Variants in WIPF2 observed in about 807,000 individuals in gnomAD.
WIPF2 encodes the protein WAS/WASL-interacting protein family member 2.
In WIPF2, 23 loss-of-function variants were observed where a neutral mutation model predicts 38.8. The observed-to-expected ratio is 0.59, with a 90% CI of 0.43 to 0.84. WIPF2 has a LOEUF of 0.84. Ranked by LOEUF, WIPF2 falls within the 40% of genes least tolerant of loss-of-function variation. WIPF2 has a pLI of 0.00. For synonymous variants in WIPF2, 210 were observed against 223.2 expected, an observed-to-expected ratio of 0.94 and a Z score of 0.53; for missense variants, 574 against 580.5, an observed-to-expected ratio of 0.99 and a Z score of 0.11.
At chr17:40,275,054 A>G (rs2032355655) in intron 6 of WIPF2, among the ~76,000 whole-genome samples, 1 of 151,960 alleles carries the variant, frequency 6.6e-6, no homozygotes, top group Non-Finnish European at 1.5e-5. Context: ...AGCCTGGCTA[A>G]CATAGTGAAA....
chr17:40,270,718 A>T (rs1340123698), intron 5 of WIPF2, among the ~76,000 whole-genome samples: 1 of 152,194 alleles, frequency 6.6e-6, no homozygotes, highest in Non-Finnish European at 1.5e-5. Context: ...TTGGAATCAA[A>T]ACAAGGCTCA....
chr17:40,228,599 G>GGGATGCAGT (rs1338743589), intron 1 of WIPF2, among the ~76,000 whole-genome samples: 1 of 151,200 alleles, frequency 6.6e-6, no homozygotes, highest in Non-Finnish European at 1.5e-5. Context: ...GGGGATGCAG[G>GGGATGCAGT]GGATGCAGAT....
At chr17:40,222,507 T>TCAACAA (rs774875261) in intron 1 of WIPF2, among the ~76,000 whole-genome samples, 1 of 149,380 alleles carries the variant, frequency 6.7e-6, no homozygotes, top group African/African-American at 2.5e-5. Context: ...AAACTCCACC[T>TCAACAA]CAACAACAAC....
rs576787380 is a variant in WIPF2 at position 40,235,400 on chromosome 17, T to C, written c.-70+15908T>C. ...TTGTGTAGTTTTTCCCTAGACATAG[T>C]AATTGTCATTCTTTTCCTTCCTTCC... On this transcript the variant is annotated intron_variant, in intron 1 of 7. Transcript: ENST00000323571. Among the ~76,000 whole-genome samples the C allele has an allele frequency of 3.3e-5, 5 of 152,248 alleles. No individual in the cohort carries two copies. The East Asian group carries it at 9.7e-4, about 29-fold the overall frequency.
intron 1 of WIPF2, among the ~76,000 whole-genome samples, chr17:40,245,583 T>A (rs1049521585): frequency 6.6e-6 from 1 of 152,052 alleles, no homozygotes; most frequent in Admixed American, 6.6e-5. Context: ...CCTCAAGTGA[T>A]CTACCCGCCT....
At position 40,278,460 on chromosome 17, in the gene WIPF2, C is replaced by G. The variant is rs2032475641; in HGVS notation, c.*235C>G. ...CTCAAACCCTGCATCCATCCTTCCT[C>G]CAGCAAGCCCTGCTAGCCACATGAG... On this transcript the variant is annotated 3_prime_UTR_variant, in exon 8 of 8. Coordinates refer to ENST00000323571, the MANE Select transcript of WIPF2 (RefSeq NM_133264.5). 1.9e-6 allele frequency: 1 copy of G among 532,916 alleles called. No individual in the cohort carries two copies. Among genetic ancestry groups the G allele is most frequent in the African/African-American group, 1.9e-5 (1 of 52,576 alleles). The allele number at this position is 532,916 out of a possible 1,614,324, so 33.0% of individuals were successfully genotyped here.
In WIPF2 at chr17:40,232,773, G is replaced by A. The variant is rs1465867097; in HGVS notation, c.-70+13281G>A. ...CCTGCCTCAGCCTCCTGAGTAGCTG[G>A]AATTACAGGCATGCGCCACCATGCC... On this transcript the variant is annotated intron_variant, in intron 1 of 7. Transcript: ENST00000323571. Among the ~76,000 whole-genome samples, 3 of 151,132 alleles carry A rather than the reference G, an allele frequency of 2.0e-5. No individual in the cohort carries two copies. The East Asian group carries it at 5.9e-4, about 30-fold the overall frequency.
At chr17:40,254,007 C>T (rs1341764416) in intron 1 of WIPF2, among the ~76,000 whole-genome samples, 1 of 150,984 alleles carries the variant, frequency 6.6e-6, no homozygotes, top group Non-Finnish European at 1.5e-5. Context: ...AGTGGGCTGC[C>T]ATGCTGGTTT....
chr17:40,235,511 C>T (rs2030931379), intron 1 of WIPF2, among the ~76,000 whole-genome samples: 1 of 151,282 alleles, frequency 6.6e-6, no homozygotes, highest in Admixed American at 6.6e-5. Flanking sequence ...ATCATTGAAG[C>T]ACATTAGTGG....
chr17:40,258,548 G>C (rs1050507578), intron 2 of WIPF2, among the ~76,000 whole-genome samples: 1 of 151,886 alleles, frequency 6.6e-6, no homozygotes, highest in South Asian at 2.1e-4. Context: ...CCGAGATCGC[G>C]CCACTGCACT....
chr17:40,264,418 G>A, intron 4 of WIPF2, 72 bp from the exon 5 acceptor site: 1 of 1,391,458 alleles, frequency 7.2e-7, no homozygotes, highest in Admixed American at 1.7e-5. Context: ...GCACTAAGGA[G>A]CCGAGTGAAG....
Position 40,283,780 on chromosome 17 carries a change from C to A in WIPF2, c.*5555C>A, listed in dbSNP as rs2032603497. 1 of 152,196 alleles carries A rather than the reference C, an allele frequency of 6.6e-6. No homozygotes were observed. Among genetic ancestry groups the A allele is most frequent in the African/African-American group, 2.4e-5 (1 of 41,448 alleles). 9.4% of individuals were successfully genotyped at this position (152,196 alleles called of 1,614,324 possible). A position where few individuals can be genotyped will look rare whatever the true frequency, so the allele number is the denominator to read the frequency against. ...CTGTTTTTCGTCACTGCTTTTTAAG[C>A]TGAATCTTAGCTGGTTTTCTTGAAC... On this transcript the variant is annotated 3_prime_UTR_variant, in exon 8 of 8. Coordinates refer to ENST00000323571, the MANE Select transcript of WIPF2 (RefSeq NM_133264.5).
At chr17:40,277,235 C>CT in intron 7 of WIPF2, 51 bp downstream of exon 7, 1 of 1,487,046 alleles carries the variant, frequency 6.7e-7, no homozygotes, top group Non-Finnish European at 9.3e-7. Context: ...AATGTAGAAT[C>CT]TGTGCATTTT....
rs1050591220 is a variant in WIPF2 at position 40,284,031 on chromosome 17, G to C, written c.*5806G>C. 6.6e-6 allele frequency: 1 copy of C among 152,084 alleles called. No individual in the cohort carries two copies. Among genetic ancestry groups the C allele is most frequent in the Non-Finnish European group, 1.5e-5 (1 of 68,014 alleles). 9.4% of individuals were successfully genotyped at this position (152,084 alleles called of 1,614,324 possible). ...AGGGAGGGAGGGGAAGAAAAAAAAGGACTCCTTTCATTTTCATCCGTACTT... is the reference window on the plus strand; with the variant it reads ...AGGGAGGGAGGGGAAGAAAAAAAAGCACTCCTTTCATTTTCATCCGTACTT... On this transcript the variant is annotated 3_prime_UTR_variant, in exon 8 of 8. Coordinates refer to ENST00000323571, the MANE Select transcript of WIPF2 (RefSeq NM_133264.5).
chr17:40,277,153 T>C lies in WIPF2; in HGVS notation c.1251T>C (p.Phe417=). Residue 417 remains phenylalanine (F), a synonymous_variant, in exon 7 of 8, where the codon TTT becomes TTC. Transcript: ENST00000323571. ...DFPAPEEYKH[F]QRIYPSKTNR... Reference sequence around the variant, plus strand: ...CTGCTCCAGAAGAATATAAACACTTTCAGAGGATATATCCCAGCAAAACAA... The same window carrying C: ...CTGCTCCAGAAGAATATAAACACTTCCAGAGGATATATCCCAGCAAAACAA... The C allele has an allele frequency of 6.2e-7, 1 of 1,613,398 alleles. No homozygotes were observed. Among genetic ancestry groups the C allele is most frequent in the African/African-American group, 1.3e-5 (1 of 75,024 alleles).
chr17:40,235,319 GA>G (rs748447832), intron 1 of WIPF2, among the ~76,000 whole-genome samples: 1 of 151,952 alleles, frequency 6.6e-6, no homozygotes, highest in Non-Finnish European at 1.5e-5. Context: ...AGTTACAAAA[GA>G]AAAAAAATTT....
At chr17:40,227,623 C>T (rs549840660) in intron 1 of WIPF2, among the ~76,000 whole-genome samples, 4 of 151,938 alleles carry the variant, frequency 2.6e-5, no homozygotes, top group Admixed American at 6.6e-5. Context: ...GAGGCTGAGG[C>T]GGGCGGATCA....
Position 40,264,798 on chromosome 17 carries a change from C to T in WIPF2, c.622C>T (p.Pro208Ser). The stretch of plus-strand genomic sequence containing the variant: ...AGCCCCCGCCTACAACAGAGAGAAA[C>T]CCTTGCCACCGACGCCTGGACAAAG... ...SKAPAYNREK[P>S]LPPTPGQRLH... Residue 208 changes from proline (P) to serine (S), a missense_variant, in exon 5 of 8, where the codon CCC (proline) becomes TCC (serine). Coordinates refer to ENST00000323571, the MANE Select transcript of WIPF2 (RefSeq NM_133264.5). The T allele has an allele frequency of 1.2e-6, 2 of 1,608,122 alleles. No individual in the cohort carries two copies. Among genetic ancestry groups the T allele is most frequent in the Non-Finnish European group, 1.7e-6 (2 of 1,179,170 alleles).
chr17:40,246,040 C>CTTGCTGCA (rs1418278094), intron 1 of WIPF2, among the ~76,000 whole-genome samples: 1 of 151,234 alleles, frequency 6.6e-6, no homozygotes, highest in Non-Finnish European at 1.5e-5. Flanking sequence ...TGATCCATTC[C>CTTGCTGCA]TTGCTGCATT....
Sources: gnomAD v4.1 joint callset for allele counts (sites outside exome capture counted in the v4.1 genomes callset) on GRCh38, gnomAD v4.1.1 for gene constraint, MANE v1.5 for transcripts, NCBI Gene and HGNC (gene_info 2026-07-23, HGNC 2026-07-21) for gene names.